Variants in R3HDM1 observed in about 807,000 individuals in gnomAD.
The protein encoded by R3HDM1 is R3H domain containing 1.
A neutral mutation model predicts 141.1 loss-of-function variants in R3HDM1; 46 were observed. The observed-to-expected ratio is 0.33, with a 90% CI of 0.26 to 0.42. R3HDM1 has a LOEUF of 0.42. R3HDM1 is among the 10% of genes least tolerant of loss of function. The pLI is 1.00. For missense variants in R3HDM1, 1,184 were observed against 1,368.3 expected (o/e 0.87, Z 2.12); for synonymous variants, 435 against 472.9 (o/e 0.92, Z 1.04).
At chr2:135,703,174 A>C (rs2074464154) in intron 21 of R3HDM1, among the ~76,000 whole-genome samples, 1 of 152,214 alleles carries the variant, frequency 6.6e-6, no homozygotes, top group African/African-American at 2.4e-5. Context: ...TTTAGGTTTC[A>C]TGCAAATACT....
intron 23 of R3HDM1, among the ~76,000 whole-genome samples, chr2:135,711,235 T>C (rs1457115458): frequency 6.6e-6 from 1 of 152,224 alleles, no homozygotes; most frequent in Non-Finnish European, 1.5e-5. Flanking sequence ...TGGGACATTT[T>C]ACTTGACAAA....
intron 1 of R3HDM1, chr2:135,536,595 G>C (rs971627726): frequency 2.2e-6 from 2 of 897,170 alleles, no homozygotes; most frequent in East Asian, 1.2e-4. Context: ...GACCATTCTC[G>C]AGAGGGAATA....
At chr2:135,611,987 G>A (rs1385081493) in intron 3 of R3HDM1, among the ~76,000 whole-genome samples, 5 of 152,188 alleles carry the variant, frequency 3.3e-5, no homozygotes, top group Non-Finnish European at 7.3e-5. Context: ...CAGATAGTTT[G>A]TGACTTTCTC....
chr2:135,640,306 A>G (rs903557256), intron 14 of R3HDM1, among the ~76,000 whole-genome samples: 2 of 152,172 alleles, frequency 1.3e-5, no homozygotes, highest in Admixed American at 6.5e-5. Context: ...CTTAGTATCT[A>G]TGTTAGGATT....
intron 3 of R3HDM1, 91 bp from the exon 4 acceptor site, chr2:135,616,061 G>C: frequency 7.9e-7 from 1 of 1,272,020 alleles, no homozygotes; most frequent in Non-Finnish European, 1.1e-6. Context: ...TTTATGCACA[G>C]TTAGTTTTTC....
At chr2:135,647,915 GT>G (rs1350940730) in intron 16 of R3HDM1, among the ~76,000 whole-genome samples, 29 of 152,214 alleles carry the variant, frequency 1.9e-4, no homozygotes, top group Admixed American at 1.9e-3. Context: ...CTAGCCCACA[GT>G]TTTTTTCATT....
At chr2:135,683,553 CAAAAA>C (rs779221502) in intron 21 of R3HDM1, among the ~76,000 whole-genome samples, 2 of 42,862 alleles carry the variant, frequency 4.7e-5, no homozygotes, top group African/African-American at 2.5e-4. Context: ...GAACCTATCT[CAAAAA>C]AAAAAAAAAA....
intron 24 of R3HDM1, among the ~76,000 whole-genome samples, chr2:135,717,992 A>G (rs1253409221): frequency 6.6e-6 from 1 of 152,230 alleles, no homozygotes; most frequent in Non-Finnish European, 1.5e-5. Context: ...TTAAAAGGGT[A>G]CTACGCAACA....
chr2:135,645,625 T>C, intron 16 of R3HDM1, 98 bp downstream of exon 16: 1 of 1,394,490 alleles, frequency 7.2e-7, no homozygotes, highest in Non-Finnish European at 9.9e-7. Context: ...AAGTATCTCT[T>C]AGAACTTTAA....
chr2:135,651,549 T>C (rs1343536861), intron 17 of R3HDM1, 181 bp from the exon 18 acceptor site: 1 of 934,668 alleles, frequency 1.1e-6, no homozygotes, highest in African/African-American at 1.8e-5. Context: ...ATTTATAATA[T>C]TCAACAATAG....
At chr2:135,532,746 C>G (rs1361056295) in intron 1 of R3HDM1, among the ~76,000 whole-genome samples, 1 of 152,146 alleles carries the variant, frequency 6.6e-6, no homozygotes, top group Non-Finnish European at 1.5e-5. Context: ...ACCAGTCTGA[C>G]AGGAATAATT....
Position 135,650,084 on chromosome 2 carries a change from A to G in R3HDM1, c.1725+81A>G, listed in dbSNP as rs1273881280. 4 of 1,057,044 alleles carry G rather than the reference A, an allele frequency of 3.8e-6. No homozygotes were observed. The East Asian group carries it at 2.8e-4, about 74-fold the overall frequency. 65.5% of individuals were successfully genotyped at this position (1,057,044 alleles called of 1,614,324 possible). A position where few individuals can be genotyped will look rare whatever the true frequency, so the allele number is the denominator to read the frequency against. On this transcript the variant is annotated intron_variant, in intron 17 of 26. Transcript: ENST00000683871. Reference sequence around the variant, plus strand: ...TGCTCAAGAGTGTCATTAATGTAATATGATCTTTTGTGATTTTTTTTGGGT... The same window carrying G: ...TGCTCAAGAGTGTCATTAATGTAATGTGATCTTTTGTGATTTTTTTTGGGT...
intron 23 of R3HDM1, among the ~76,000 whole-genome samples, chr2:135,714,103 G>A (rs1183577845): frequency 6.6e-6 from 1 of 151,492 alleles, no homozygotes; most frequent in African/African-American, 2.4e-5. Context: ...TTTTTTTAAA[G>A]TATCTCCCTA....
At position 135,546,075 on chromosome 2, in the gene R3HDM1, T is replaced by A. The variant is rs552484145; in HGVS notation, c.-250+14442T>A. On this transcript the variant is annotated intron_variant, in intron 1 of 26. Transcript: ENST00000683871. Reference sequence around the variant, plus strand: ...CCTTTCGAGCAAGTGCCTGTGGGTATCTGAAATCAGGCAGATAATGTTTTT... The same window carrying A: ...CCTTTCGAGCAAGTGCCTGTGGGTAACTGAAATCAGGCAGATAATGTTTTT... 2.6e-5 allele frequency among the ~76,000 whole-genome samples: 4 copies of A among 152,310 alleles called. No individual in the cohort carries two copies. The South Asian group carries it at 8.3e-4, about 32-fold the overall frequency.
At chr2:135,678,409 T>C (rs1178358502) in intron 20 of R3HDM1, among the ~76,000 whole-genome samples, 1 of 152,108 alleles carries the variant, frequency 6.6e-6, no homozygotes, top group Non-Finnish European at 1.5e-5. Context: ...AAAGTCAGAA[T>C]TCAAATTCCT....
At chr2:135,616,323 G>A (rs1447705238) in intron 4 of R3HDM1, 130 bp downstream of exon 4, 2 of 960,568 alleles carry the variant, frequency 2.1e-6, no homozygotes, top group South Asian at 2.0e-5. Context: ...AGCTTATTTT[G>A]TTTTATTTGG....
In R3HDM1 at chr2:135,564,359, G is replaced by A. The variant is rs113785793; in HGVS notation, c.-250+32726G>A. Among the ~76,000 whole-genome samples, 255 of 152,248 alleles carry A rather than the reference G, an allele frequency of 1.7e-3. 4 individuals are homozygous for A. The highest frequency in any genetic ancestry group is 5.7e-3 in the African/African-American group (236 of 41,546). ...GTTTTTAAGACAGTCTCACTCTGTT[G>A]CCCAGGCGGGAGTGCAGTGGCACCA... On this transcript the variant is annotated intron_variant, in intron 1 of 26. Coordinates refer to ENST00000683871, the MANE Select transcript of R3HDM1 (RefSeq NM_001378107.1).
chr2:135,594,403 C>T (rs934857375), intron 1 of R3HDM1, among the ~76,000 whole-genome samples: 1 of 152,156 alleles, frequency 6.6e-6, no homozygotes, highest in Non-Finnish European at 1.5e-5. Context: ...TGAGCTTTCT[C>T]ATTTGCATCA....
intron 1 of R3HDM1, among the ~76,000 whole-genome samples, chr2:135,565,186 A>T (rs1432715814): frequency 6.6e-6 from 1 of 152,058 alleles, no homozygotes; most frequent in Non-Finnish European, 1.5e-5. Flanking sequence ...AGATATATTC[A>T]GTATAAGGCT....
Sources: allele counts gnomAD v4.1 joint callset (sites outside exome capture counted in the v4.1 genomes callset), GRCh38; gene constraint gnomAD v4.1.1; transcripts MANE v1.5; gene names NCBI Gene and HGNC (gene_info 2026-07-23, HGNC 2026-07-21).